The following PARD3 variants were observed in gnomAD, a reference collection of about 807,000 sequenced individuals.
The protein encoded by PARD3 is par-3 family cell polarity regulator.
PARD3 carries 75 observed loss-of-function variants against 155.4 expected under a neutral mutation model. The observed-to-expected ratio is 0.48, with a 90% confidence interval of 0.40 to 0.58. The LOEUF (loss-of-function observed/expected upper bound fraction) is 0.58. PARD3 is among the 20% of genes least tolerant of loss of function. The pLI is 0.00. For synonymous variants in PARD3, 576 were observed against 610.5 expected (o/e 0.94, Z 0.83); for missense variants, 1,642 against 1,721.7 (o/e 0.95, Z 0.82).
intron 2 of PARD3, among the ~76,000 whole-genome samples, chr10:34,635,479 G>A (rs911779505): frequency 2.0e-5 from 3 of 152,180 alleles, no homozygotes; most frequent in Admixed American, 6.5e-5. Flanking sequence ...CGACAATGAC[G>A]GTAGTGGTAA....
At chr10:34,350,617 A>AGC (rs1837954072) in intron 14 of PARD3, among the ~76,000 whole-genome samples, 1 of 111,600 alleles carries the variant, frequency 9.0e-6, no homozygotes, top group Non-Finnish European at 1.6e-5. Flanking sequence ...TGGCTAACAG[A>AGC]GAGACTCCAT....
In PARD3 at chr10:34,150,925, A is replaced by T. The variant is rs192875238; in HGVS notation, c.3420-19342T>A. Among the ~76,000 whole-genome samples the T allele has an allele frequency of 4.8e-3, 737 of 152,330 alleles. 6 individuals carry two copies. The highest frequency in any genetic ancestry group is 0.017 in the African/African-American group (703 of 41,570). ...ATGTGAGATGAATACCTGCTGTCAC[A>T]TACATGTTTTGTCCCTTCTATAGTC... On this transcript the variant is annotated intron_variant, in intron 22 of 24. Transcript: ENST00000374788.
rs1316729059 is a variant in PARD3 at position 34,701,719 on chromosome 10, G to T, written c.121-5300C>A. Among the ~76,000 whole-genome samples, 7 of 152,204 alleles carry T rather than the reference G, an allele frequency of 4.6e-5. No homozygotes were observed. The South Asian group carries it at 1.5e-3, about 32-fold the overall frequency. ...AGACTAGTCTGGGGAACGTAGTGAG[G>T]CCCCATCTCTACAAAAAAACTGGAA... is the stretch of plus-strand genomic sequence containing the variant. On this transcript the variant is annotated intron_variant, in intron 1 of 24. Transcript: ENST00000374788.
At chr10:34,312,225 G>T in intron 20 of PARD3, 1 of 1,547,104 alleles carries the variant, frequency 6.5e-7, no homozygotes, top group South Asian at 1.2e-5. Context: ...TCAAACTGCT[G>T]ATGTCGTAAA....
At chr10:34,754,347 A>G (rs560063580) in intron 1 of PARD3, among the ~76,000 whole-genome samples, 22 of 152,320 alleles carry the variant, frequency 1.4e-4, no homozygotes, top group Non-Finnish European at 2.5e-4. Flanking sequence ...TGAGAAACAT[A>G]CAAGCATCTA....
chr10:34,514,962 GA>G (rs757828224), intron 3 of PARD3, among the ~76,000 whole-genome samples: 33 of 152,222 alleles, frequency 2.2e-4, no homozygotes, highest in Non-Finnish European at 4.4e-4. Context: ...TAACACAACA[GA>G]AAGTTCTGTA....
At chr10:34,423,947 A>G (rs1055830733) in intron 5 of PARD3, among the ~76,000 whole-genome samples, 6 of 152,160 alleles carry the variant, frequency 3.9e-5, no homozygotes, top group Non-Finnish European at 8.8e-5. Context: ...CTCTGGTCCA[A>G]TTTTTATCTA....
chr10:34,475,472 C>T (rs1564754265), intron 3 of PARD3, among the ~76,000 whole-genome samples: 1 of 152,196 alleles, frequency 6.6e-6, no homozygotes, highest in African/African-American at 2.4e-5. Flanking sequence ...TGATACCACA[C>T]CATAACTCGA....
At chr10:34,144,357 G>A (rs1239327477) in intron 22 of PARD3, among the ~76,000 whole-genome samples, 1 of 152,076 alleles carries the variant, frequency 6.6e-6, no homozygotes, top group African/African-American at 2.4e-5. Context: ...GCTTTCAGTC[G>A]TTTTCTATGA....
At chr10:34,269,571 G>C in intron 22 of PARD3, 86 bp downstream of exon 22, 1 of 1,449,064 alleles carries the variant, frequency 6.9e-7, no homozygotes, top group Non-Finnish European at 9.4e-7. Context: ...ATTCTGGTTT[G>C]AGGATTGATG....
rs547646507 is a variant in PARD3, at chr10:34,760,483, C to CA, written c.120+54392dup. 1.1e-4 allele frequency among the ~76,000 whole-genome samples: 16 copies of CA among 152,150 alleles called. No individual in the cohort carries two copies. The East Asian group carries it at 3.1e-3, about 29-fold the overall frequency. On this transcript the variant is annotated intron_variant, in intron 1 of 24. Coordinates refer to ENST00000374788, the MANE Select transcript of PARD3 (RefSeq NM_001184785.2). The stretch of plus-strand genomic sequence containing the variant: ...AGTACCTGGGATTACAGGCACCTGC[C>CA]ACCATGCCCGGCTAATTTTTGTATC...
intron 22 of PARD3, among the ~76,000 whole-genome samples, chr10:34,257,979 G>T (rs1318866624): frequency 6.6e-6 from 1 of 152,100 alleles, no homozygotes; most frequent in East Asian, 1.9e-4. Context: ...TTTAACATTT[G>T]CAAAATGTAT....
At chr10:34,769,801 A>AAC (rs984277428) in intron 1 of PARD3, among the ~76,000 whole-genome samples, 7 of 67,200 alleles carry the variant, frequency 1.0e-4, no homozygotes, top group African/African-American at 3.9e-4. Flanking sequence ...CAAAAAAACA[A>AAC]AACAAAAAAA....
intron 4 of PARD3, among the ~76,000 whole-genome samples, chr10:34,459,449 G>A (rs2077510313): frequency 1.3e-5 from 2 of 152,314 alleles, no homozygotes; most frequent in African/African-American, 2.4e-5. Flanking sequence ...GGGATTACAG[G>A]CGTGAGCCAC....
chr10:34,716,585 C>CTTTTTTTTTT (rs34751073), intron 1 of PARD3, among the ~76,000 whole-genome samples: 21 of 73,244 alleles, frequency 2.9e-4, no homozygotes, highest in Non-Finnish European at 4.8e-4. Flanking sequence ...GATGGCTTTT[C>CTTTTTTTTTT]TTTTTTTTTT....
intron 22 of PARD3, among the ~76,000 whole-genome samples, chr10:34,175,976 G>A (rs1950014778): frequency 6.6e-6 from 1 of 152,142 alleles, no homozygotes; most frequent in Non-Finnish European, 1.5e-5. Flanking sequence ...CAGTCACTCA[G>A]CATTCTTCAC....
In PARD3 at chr10:34,452,069, CAAAG is replaced by C. The variant is rs1479020466; in HGVS notation, c.583-1625_583-1622del. 1.4e-4 allele frequency among the ~76,000 whole-genome samples: 22 copies of C among 151,962 alleles called. No homozygotes were observed. The East Asian group carries it at 3.5e-3, about 24-fold the overall frequency. On this transcript the variant is annotated intron_variant, in intron 4 of 24. Transcript: ENST00000374788. ...TTAGTGACAGAACCTTATGTGTCGA[CAAAG>C]AGAAGGAGGAATTAAAGTACACTGA...
intron 5 of PARD3, among the ~76,000 whole-genome samples, chr10:34,410,934 C>T (rs1243536483): frequency 6.6e-6 from 1 of 152,238 alleles, no homozygotes; most frequent in Non-Finnish European, 1.5e-5. Flanking sequence ...AAGGGCATCA[C>T]TTCCATAGGT....
chr10:34,572,182 G>A (rs552659614), intron 2 of PARD3, among the ~76,000 whole-genome samples: 8 of 152,192 alleles, frequency 5.3e-5, no homozygotes, highest in Admixed American at 4.6e-4. Context: ...AACTAACCAA[G>A]ACAGAAATTA....
Sources: gnomAD v4.1 joint callset for allele counts (sites outside exome capture counted in the v4.1 genomes callset) on GRCh38, gnomAD v4.1.1 for gene constraint, MANE v1.5 for transcripts, NCBI Gene and HGNC (gene_info 2026-07-23, HGNC 2026-07-21) for gene names.